WDR70: variants seen among roughly 807,000 people sequenced by gnomAD.
The protein encoded by WDR70 is WD repeat domain 70, also known as WD repeat-containing protein 70.
Under a neutral mutation model 88.6 loss-of-function variants are expected in WDR70, and 53 were observed. That is an observed-to-expected ratio of 0.60 (90% CI 0.48 to 0.75). The LOEUF (loss-of-function observed/expected upper bound fraction) is 0.75, where lower values mean the gene tolerates loss of function less well. WDR70 is among the 30% of genes least tolerant of loss of function. The pLI, the probability that WDR70 is intolerant of heterozygous loss-of-function variation, is 0.00. For missense variants in WDR70, 610 were observed against 823.2 expected (o/e 0.74, Z 3.17); for synonymous variants, 280 against 270.0 (o/e 1.04, Z -0.36).
In WDR70 at chr5:37,445,273, G is replaced by C. The variant is rs1333270451; in HGVS notation, c.686+1901G>C. Among the ~76,000 whole-genome samples, 4 of 130,972 alleles carry C rather than the reference G, an allele frequency of 3.1e-5. 1 individual carries two copies. Among genetic ancestry groups the C allele is most frequent in the African/African-American group, 1.1e-4 (4 of 34,994 alleles). The allele number at this position is 130,972 out of a possible 152,430, so 85.9% of individuals were successfully genotyped here. A position where few individuals can be genotyped will look rare whatever the true frequency, so the allele number is the denominator to read the frequency against. ...AAGTTAATATTTTATACTTGAGATA[G>C]GCAAGAACTTCGTAGAGAGATAGTT... On this transcript the variant is annotated intron_variant, in intron 7 of 17. Coordinates refer to ENST00000265107, the MANE Select transcript of WDR70 (RefSeq NM_018034.4).
chr5:37,591,393 T>C (rs1328201837), intron 9 of WDR70, among the ~76,000 whole-genome samples: 1 of 152,186 alleles, frequency 6.6e-6, no homozygotes, highest in Non-Finnish European at 1.5e-5. Flanking sequence ...CTTAATGACA[T>C]TGAAAGATAA....
At chr5:37,426,534 T>C (rs2112008803) in intron 5 of WDR70, among the ~76,000 whole-genome samples, 1 of 152,318 alleles carries the variant, frequency 6.6e-6, no homozygotes, top group South Asian at 2.1e-4. Context: ...AGTTAGCATA[T>C]AGCATGTTCA....
chr5:37,459,411 C>T (rs189029523), intron 7 of WDR70, among the ~76,000 whole-genome samples: 7,100 of 150,540 alleles, frequency 0.047, 486 homozygotes, highest in African/African-American at 0.16. Flanking sequence ...TGATCTTTGA[C>T]AAACCTGAGA....
At chr5:37,579,654 T>G (rs1743163818) in intron 9 of WDR70, among the ~76,000 whole-genome samples, 1 of 151,908 alleles carries the variant, frequency 6.6e-6, no homozygotes. Flanking sequence ...ATAGATTTAA[T>G]TATTGTTTGA....
chr5:37,622,335 G>A (rs1476108919), intron 10 of WDR70, among the ~76,000 whole-genome samples: 17 of 151,728 alleles, frequency 1.1e-4, no homozygotes, highest in Non-Finnish European at 2.1e-4. Flanking sequence ...TCAGTGTGGC[G>A]ATTCCTCAGG....
chr5:37,635,375 A>G (rs1744931617), intron 10 of WDR70, among the ~76,000 whole-genome samples: 1 of 152,214 alleles, frequency 6.6e-6, no homozygotes, highest in South Asian at 2.1e-4. Context: ...CTAGCTGTTT[A>G]AGGTAAAGTG....
chr5:37,664,772 A>G (rs915089575), intron 10 of WDR70, among the ~76,000 whole-genome samples: 4 of 152,266 alleles, frequency 2.6e-5, no homozygotes, highest in Admixed American at 1.3e-4. Flanking sequence ...TGCCTTGCAC[A>G]TAACAAGGGC....
intron 9 of WDR70, among the ~76,000 whole-genome samples, chr5:37,591,741 A>G (rs2112447451): frequency 6.6e-6 from 1 of 152,374 alleles, no homozygotes; most frequent in East Asian, 1.9e-4. Context: ...AGGAAACCAT[A>G]GACTGATATC....
Position 37,387,920 on chromosome 5 carries a change from T to C in WDR70, c.176-4080T>C, listed in dbSNP as rs545765081. 4.0e-3 allele frequency among the ~76,000 whole-genome samples: 612 copies of C among 152,238 alleles called. 6 individuals carry two copies. The highest frequency in any genetic ancestry group is 5.2e-3 in the Non-Finnish European group (352 of 68,008). On this transcript the variant is annotated intron_variant, in intron 3 of 17. Coordinates refer to ENST00000265107, the MANE Select transcript of WDR70 (RefSeq NM_018034.4). ...CTTGAGGAAACTAAGACTTTGACCC[T>C]TTTAATAGCAAGTTTGTCTGTATAT... is the stretch of plus-strand genomic sequence containing the variant.
At chr5:37,734,294 G>GA (rs1340086945) in intron 17 of WDR70, among the ~76,000 whole-genome samples, 2 of 151,972 alleles carry the variant, frequency 1.3e-5, no homozygotes, top group Non-Finnish European at 2.9e-5. Flanking sequence ...TTTTGTAGGT[G>GA]AAAAAATCAA....
chr5:37,685,774 C>A (rs1312334853), intron 10 of WDR70, among the ~76,000 whole-genome samples: 1 of 152,182 alleles, frequency 6.6e-6, no homozygotes, highest in Non-Finnish European at 1.5e-5. Context: ...GGGTCTCTTC[C>A]TCCTGGGATT....
chr5:37,671,883 G>C (rs1054264634), intron 10 of WDR70, among the ~76,000 whole-genome samples: 8 of 152,084 alleles, frequency 5.3e-5, no homozygotes, highest in Admixed American at 2.0e-4. Flanking sequence ...TGGTTTTTTG[G>C]GGGGGACTTT....
chr5:37,634,501 G>A (rs1203657963), intron 10 of WDR70, among the ~76,000 whole-genome samples: 1 of 152,102 alleles, frequency 6.6e-6, no homozygotes, highest in Non-Finnish European at 1.5e-5. Flanking sequence ...TGGCATTGGA[G>A]TGGCGTGATA....
intron 10 of WDR70, among the ~76,000 whole-genome samples, chr5:37,663,104 T>C (rs577819051): frequency 3.4e-4 from 52 of 152,342 alleles, no homozygotes; most frequent in South Asian, 1.2e-3. Context: ...AATACAGTCC[T>C]CATAATAAAC....
intron 3 of WDR70, among the ~76,000 whole-genome samples, chr5:37,383,341 C>T (rs183947465): frequency 2.9e-4 from 43 of 150,486 alleles, no homozygotes; most frequent in African/African-American, 1.0e-3. Flanking sequence ...CTCACTGTGA[C>T]CTCCGCCTCT....
At chr5:37,487,623 A>ATTTTTTTTTTTTTTTT (rs1303879846) in intron 8 of WDR70, among the ~76,000 whole-genome samples, 2 of 18,604 alleles carry the variant, frequency 1.1e-4, no homozygotes, top group African/African-American at 2.2e-4. Flanking sequence ...ATATATATAT[A>ATTTTTTTTTTTTTTTT]TGTATTTTTT....
At chr5:37,402,842 T>C (rs970691271) in intron 5 of WDR70, among the ~76,000 whole-genome samples, 1 of 152,028 alleles carries the variant, frequency 6.6e-6, no homozygotes, top group Non-Finnish European at 1.5e-5. Flanking sequence ...CTAATCTCTC[T>C]TTATGAGATC....
At chr5:37,613,462 A>G (rs1744244329) in intron 10 of WDR70, among the ~76,000 whole-genome samples, 1 of 152,214 alleles carries the variant, frequency 6.6e-6, no homozygotes, top group African/African-American at 2.4e-5. Context: ...AACCTTAGCC[A>G]TGGTAGGAGA....
intron 10 of WDR70, among the ~76,000 whole-genome samples, chr5:37,633,668 C>G (rs1254085094): frequency 6.6e-6 from 1 of 151,908 alleles, no homozygotes; most frequent in Non-Finnish European, 1.5e-5. Context: ...ATATGTGTCG[C>G]AAAGAGGAAA....
Sources: allele counts gnomAD v4.1 joint callset (sites outside exome capture counted in the v4.1 genomes callset), GRCh38; gene constraint gnomAD v4.1.1; transcripts MANE v1.5; gene names NCBI Gene and HGNC (gene_info 2026-07-23, HGNC 2026-07-21).